The following LCORL variants were observed in gnomAD, a reference collection of about 807,000 sequenced individuals.
The protein encoded by LCORL is ligand dependent nuclear receptor corepressor like, also known as ligand-dependent nuclear receptor corepressor-like protein.
Under a neutral mutation model 141.8 loss-of-function variants are expected in LCORL, and 41 were observed. The observed-to-expected ratio is 0.29, with a 90% CI of 0.23 to 0.38. The LOEUF is 0.38. Ranked by LOEUF, LCORL falls within the 10% of genes least tolerant of loss-of-function variation. LCORL has a pLI of 1.00. For missense variants in LCORL, 1,759 were observed against 2,035.0 expected, an observed-to-expected ratio of 0.86 and a Z score of 2.61; for synonymous variants, 618 against 694.1, an observed-to-expected ratio of 0.89 and a Z score of 1.72.
chr4:17,852,297 G>A (rs2109104470), intron 7 of LCORL, among the ~76,000 whole-genome samples: 1 of 151,994 alleles, frequency 6.6e-6, no homozygotes, highest in South Asian at 2.1e-4. Flanking sequence ...AGAGTTGGGG[G>A]GAAAAATGTA....
rs183140792 is a variant in LCORL, at chr4:18,003,742, G to A, written c.154+17856C>T. ...ATATGTCAAAGCTACAGGGATCTAA[G>A]ACCTACAATTTTGAAGCACGTTACA... On this transcript the variant is annotated intron_variant, in intron 1 of 7. Transcript: ENST00000635767. Among the ~76,000 whole-genome samples, 914 of 152,330 alleles carry A rather than the reference G, an allele frequency of 6.0e-3. 7 individuals carry two copies. Among genetic ancestry groups the A allele is most frequent in the Middle Eastern group, 0.01 (3 of 294 alleles).
chr4:17,884,437 T>C lies in LCORL; in HGVS notation c.776+1631A>G. 1 of 1,550,116 alleles carries C rather than the reference T, an allele frequency of 6.5e-7. No homozygotes were observed. The highest frequency in any genetic ancestry group is 8.7e-7 in the Non-Finnish European group (1 of 1,146,214). On this transcript the variant is annotated intron_variant, in intron 6 of 7. Coordinates refer to ENST00000635767, the Ensembl canonical transcript of LCORL. This position sits in a 1 kb window ranked among gnomAD's most constrained non-coding sequence, Gnocchi z 4.4. ...TTTCTGAGGTTTCAAGTAGATTGAG[T>C]TTACTTTTTTCTGTGCGCTCTGCTT... is the stretch of plus-strand genomic sequence containing the variant.
At chr4:17,979,520 T>G (rs2109710824) in intron 1 of LCORL, among the ~76,000 whole-genome samples, 1 of 152,386 alleles carries the variant, frequency 6.6e-6, no homozygotes, top group East Asian at 1.9e-4. Context: ...TTCAGGTCTA[T>G]AATTTATTTC....
At chr4:17,936,924 G>A (rs1369928994) in intron 4 of LCORL, among the ~76,000 whole-genome samples, 1 of 152,070 alleles carries the variant, frequency 6.6e-6, no homozygotes, top group South Asian at 2.1e-4. Flanking sequence ...CAATAAAGTT[G>A]AACAAATATG....
intron 4 of LCORL, among the ~76,000 whole-genome samples, chr4:17,937,772 C>T (rs1737105479): frequency 6.6e-6 from 1 of 151,938 alleles, no homozygotes; most frequent in African/African-American, 2.4e-5. Context: ...ATGGATAAGC[C>T]TAGCTGTATA....
chr4:17,843,660 T>C (rs887839213), exon 8 of LCORL: 2 of 322,698 alleles, frequency 6.2e-6, no homozygotes, highest in African/African-American at 4.2e-5. Flanking sequence ...GAGGTGGGCC[T>C]AGGAATCTCA....
chr4:17,858,418 G>T (rs1380324890), intron 7 of LCORL, among the ~76,000 whole-genome samples: 1 of 151,846 alleles, frequency 6.6e-6, no homozygotes, highest in African/African-American at 2.4e-5. Context: ...GAGAGGAGAG[G>T]GACAGAAATA....
chr4:17,946,227 T>C (rs1211626996), intron 4 of LCORL, among the ~76,000 whole-genome samples: 3 of 152,012 alleles, frequency 2.0e-5, no homozygotes, highest in Non-Finnish European at 4.4e-5. Flanking sequence ...AGTAAACTGC[T>C]TTCACACCAT....
chr4:17,891,920 C>A (rs1024151161), intron 5 of LCORL, among the ~76,000 whole-genome samples: 2 of 152,130 alleles, frequency 1.3e-5, no homozygotes, highest in East Asian at 3.9e-4. Flanking sequence ...TATACACTTA[C>A]ACATACTTTT....
chr4:17,998,292 A>G (rs1368366552), intron 1 of LCORL, among the ~76,000 whole-genome samples: 2 of 152,326 alleles, frequency 1.3e-5, no homozygotes, highest in East Asian at 3.9e-4. Context: ...GTACGACTAC[A>G]CTAAATTTAT....
At chr4:18,008,291 G>A (rs1723135279) in intron 1 of LCORL, among the ~76,000 whole-genome samples, 1 of 152,148 alleles carries the variant, frequency 6.6e-6, no homozygotes, top group East Asian at 1.9e-4. Flanking sequence ...TCCATCACAG[G>A]GGAATCCTTA....
chr4:17,976,936 A>G (rs1717097188), intron 1 of LCORL, among the ~76,000 whole-genome samples: 1 of 151,942 alleles, frequency 6.6e-6, no homozygotes, highest in South Asian at 2.1e-4. Context: ...GTGTCTTGGC[A>G]TGGTTTTCTT....
intron 1 of LCORL, among the ~76,000 whole-genome samples, chr4:18,010,388 G>A (rs1377647241): frequency 7.0e-6 from 1 of 143,768 alleles, no homozygotes; most frequent in East Asian, 2.0e-4. Context: ...ATATATATAT[G>A]TGTGTGTGTC....
chr4:17,978,579 CAAAA>C (rs202146842), intron 1 of LCORL, among the ~76,000 whole-genome samples: 1 of 125,250 alleles, frequency 8.0e-6, no homozygotes, highest in Admixed American at 8.2e-5. Flanking sequence ...GACCTTGTCT[CAAAA>C]AAAAAAAAAA....
intron 4 of LCORL, among the ~76,000 whole-genome samples, chr4:17,919,482 G>A (rs1733963302): frequency 6.6e-6 from 1 of 152,182 alleles, no homozygotes. Context: ...ATTAGATATT[G>A]CAGGTTCAGT....
chr4:17,875,485 A>G, exon 7 of LCORL: 1 of 1,231,284 alleles, frequency 8.1e-7, no homozygotes, highest in Non-Finnish European at 1.0e-6. Flanking sequence ...TTATTGTTTA[A>G]AGACATAAGG....
intron 2 of LCORL, among the ~76,000 whole-genome samples, chr4:17,965,954 AAAG>A (rs1002903778): frequency 2.0e-5 from 3 of 152,088 alleles, no homozygotes; most frequent in East Asian, 1.9e-4. Context: ...GAAAAATGAA[AAAG>A]AAGAATATTG....
At chr4:17,928,015 G>T (rs1448672870) in intron 4 of LCORL, among the ~76,000 whole-genome samples, 1 of 152,128 alleles carries the variant, frequency 6.6e-6, no homozygotes, top group Middle Eastern at 3.2e-3. Context: ...TCAATAAAAT[G>T]CTATCAAAGA....
intron 5 of LCORL, among the ~76,000 whole-genome samples, chr4:17,890,853 AT>A (rs1229285777): frequency 2.0e-5 from 3 of 151,984 alleles, no homozygotes; most frequent in African/African-American, 2.4e-5. Flanking sequence ...TCAGATTTCA[AT>A]TTTTCATTTA....
Sources: gnomAD v4.1 joint callset for allele counts (sites outside exome capture counted in the v4.1 genomes callset) on GRCh38, gnomAD v4.1.1 for gene constraint, Gnocchi (gnomAD v3.1) non-coding constraint, MANE v1.5 for transcripts, NCBI Gene and HGNC (gene_info 2026-07-23, HGNC 2026-07-21) for gene names.